MDGA2: variants seen among roughly 807,000 people sequenced by gnomAD.
The protein encoded by MDGA2 is MAM domain-containing glycosylphosphatidylinositol anchor protein 2.
A neutral mutation model predicts 117.8 loss-of-function variants in MDGA2; 40 were observed. The observed-to-expected ratio is 0.34, with a 90% CI of 0.26 to 0.44. The LOEUF is 0.44. Among genes scored for constraint, MDGA2 ranks in the 20% least tolerant of loss-of-function variants. The pLI is 1.00. For synonymous variants in MDGA2, 452 were observed against 439.0 expected, an observed-to-expected ratio of 1.03 and a Z score of -0.37; for missense variants, 1,123 against 1,250.6, an observed-to-expected ratio of 0.90 and a Z score of 1.54.
chr14:47,226,862 G>T (rs17573767), intron 2 of MDGA2, among the ~76,000 whole-genome samples: 4,079 of 152,172 alleles, frequency 0.027, 68 homozygotes, highest in Non-Finnish European at 0.04. Flanking sequence ...TACAGCTCCA[G>T]TCCTTCCATG....
At chr14:47,478,651 C>T (rs909203787) in intron 1 of MDGA2, among the ~76,000 whole-genome samples, 4 of 152,170 alleles carry the variant, frequency 2.6e-5, no homozygotes, top group South Asian at 2.1e-4. Flanking sequence ...GCTTGGACTA[C>T]GGACATGAGC....
Position 47,478,077 on chromosome 14 carries a change from T to G in MDGA2, c.281-176527A>C, listed in dbSNP as rs75462219. Among the ~76,000 whole-genome samples, 6 of 152,332 alleles carry G rather than the reference T, an allele frequency of 3.9e-5. No individual in the cohort carries two copies. The East Asian group carries it at 9.6e-4, about 24-fold the overall frequency. On this transcript the variant is annotated intron_variant, in intron 1 of 16. Coordinates refer to ENST00000399232, the MANE Select transcript of MDGA2 (RefSeq NM_001113498.3). ...TTTTTGTTCTTAAAATGGACAAGAC[T>G]TCTTGTATTCTAGTTCACAATGCCA...
At chr14:47,563,985 A>T (rs1594919908) in intron 1 of MDGA2, among the ~76,000 whole-genome samples, 1 of 152,268 alleles carries the variant, frequency 6.6e-6, no homozygotes, top group Non-Finnish European at 1.5e-5. Flanking sequence ...GCTTGTCTGA[A>T]AAGAATCTTA....
chr14:47,185,850 A>G (rs1469973936), intron 3 of MDGA2, among the ~76,000 whole-genome samples: 1 of 151,630 alleles, frequency 6.6e-6, no homozygotes, highest in Non-Finnish European at 1.5e-5. Context: ...ATTGAGTACT[A>G]TATTTAGTCG....
chr14:47,456,294 CTTT>C (rs56176876), intron 1 of MDGA2, among the ~76,000 whole-genome samples: 1 of 140,640 alleles, frequency 7.1e-6, no homozygotes, highest in Non-Finnish European at 1.5e-5. Context: ...AATTGTTTAC[CTTT>C]TTTTTTTTTT....
chr14:47,548,488 G>A (rs1594911493), intron 1 of MDGA2, among the ~76,000 whole-genome samples: 2 of 151,956 alleles, frequency 1.3e-5, no homozygotes, highest in African/African-American at 4.8e-5. Context: ...TATATACTTT[G>A]TTACATGCAT....
intron 2 of MDGA2, among the ~76,000 whole-genome samples, chr14:47,261,799 T>G (rs1887805025): frequency 6.6e-6 from 1 of 152,152 alleles, no homozygotes; most frequent in Non-Finnish European, 1.5e-5. Flanking sequence ...TGAGCCCACC[T>G]GTGTGATGGA....
At chr14:46,910,109 C>T (rs1275830293) in intron 10 of MDGA2, among the ~76,000 whole-genome samples, 1 of 151,748 alleles carries the variant, frequency 6.6e-6, no homozygotes, top group African/African-American at 2.4e-5. Flanking sequence ...AGGGTATGTT[C>T]TTAATATATA....
At chr14:47,187,881 T>G (rs921835170) in intron 3 of MDGA2, among the ~76,000 whole-genome samples, 1 of 151,954 alleles carries the variant, frequency 6.6e-6, no homozygotes, top group Non-Finnish European at 1.5e-5. Context: ...ATCGGGGATT[T>G]TAACTACATT....
chr14:47,418,722 T>G (rs1306964792), intron 1 of MDGA2, among the ~76,000 whole-genome samples: 1 of 152,210 alleles, frequency 6.6e-6, no homozygotes, highest in African/African-American at 2.4e-5. Context: ...CATCACTTGC[T>G]AGCATCTTAT....
Position 47,072,151 on chromosome 14 carries a change from TATTC to T in MDGA2, c.1196-10577_1196-10574del, listed in dbSNP as rs555236807. Among the ~76,000 whole-genome samples the T allele has an allele frequency of 7.4e-4, 107 of 145,290 alleles. 3 individuals are homozygous for T. The highest frequency in any genetic ancestry group is 2.7e-3 in the African/African-American group (104 of 39,076). On this transcript the variant is annotated intron_variant, in intron 6 of 16. Transcript: ENST00000399232. Reference sequence around the variant, plus strand: ...TATATGTTGCAGGTACATGAAAATGTATTCATTAATAGTTAACTGATAAGAAATA... The same window carrying T: ...TATATGTTGCAGGTACATGAAAATGTATTAATAGTTAACTGATAAGAAATA...
In MDGA2 at chr14:47,535,824, T is replaced by C. The variant is rs114505867; in HGVS notation, c.280+138693A>G. ...AAATTTTAGACACAAATGTGATACA[T>C]AACAAACCACCCACAAACTCAGTGG... On this transcript the variant is annotated intron_variant, in intron 1 of 16. Transcript: ENST00000399232. Among the ~76,000 whole-genome samples the C allele has an allele frequency of 2.4e-3, 365 of 152,296 alleles. 1 individual carries two copies. The highest frequency in any genetic ancestry group is 8.3e-3 in the African/African-American group (343 of 41,562).
intron 1 of MDGA2, among the ~76,000 whole-genome samples, chr14:47,666,174 T>G (rs1897955125): frequency 6.6e-6 from 1 of 151,052 alleles, no homozygotes; most frequent in African/African-American, 2.4e-5. Flanking sequence ...ATCGGCACTC[T>G]GTATCTAGCT....
rs533025000 is a variant in MDGA2 at position 47,282,418 on chromosome 14, G to A, written c.420+18993C>T. On this transcript the variant is annotated intron_variant, in intron 2 of 16. Transcript: ENST00000399232. Reference sequence around the variant, plus strand: ...AACAGGGTAGGGTGTGGTGGCTCACGCCTGTAATCCCAGCACTTTGGGAGG... The same window carrying A: ...AACAGGGTAGGGTGTGGTGGCTCACACCTGTAATCCCAGCACTTTGGGAGG... Among the ~76,000 whole-genome samples the A allele has an allele frequency of 2.2e-3, 337 of 152,220 alleles. 2 individuals carry two copies. Among genetic ancestry groups the A allele is most frequent in the African/African-American group, 7.6e-3 (317 of 41,540 alleles).
chr14:47,357,144 T>C (rs1336262373), intron 1 of MDGA2, among the ~76,000 whole-genome samples: 2 of 152,198 alleles, frequency 1.3e-5, no homozygotes, highest in Non-Finnish European at 2.9e-5. Context: ...ATTACTCTGT[T>C]GTACATAATG....
At chr14:47,144,815 A>ATTTTTTTTTTTTTTTT (rs60842690) in intron 3 of MDGA2, among the ~76,000 whole-genome samples, 13 of 130,426 alleles carry the variant, frequency 1.0e-4, no homozygotes, top group Non-Finnish European at 1.4e-4. Context: ...TGCCCGGCTA[A>ATTTTTTTTTTTTTTTT]TTTTTTTTTT....
rs2138295745 is a variant in MDGA2, at chr14:46,853,481, T to A, written c.2883+1543A>T. Among the ~76,000 whole-genome samples the A allele has an allele frequency of 1.3e-5, 2 of 151,878 alleles. 1 individual carries two copies. The highest frequency in any genetic ancestry group is 4.2e-4 in the South Asian group (2 of 4,818). ...AGCACATCACAATACAGTTTATAAA[T>A]ACGAATGATAAGGAAAATCTTAAAA... On this transcript the variant is annotated intron_variant, in intron 15 of 16. Coordinates refer to ENST00000399232, the MANE Select transcript of MDGA2 (RefSeq NM_001113498.3).
chr14:47,206,745 C>T (rs1298277699), intron 3 of MDGA2, among the ~76,000 whole-genome samples: 1 of 151,836 alleles, frequency 6.6e-6, no homozygotes, highest in Non-Finnish European at 1.5e-5. Flanking sequence ...GTAAATTAGC[C>T]AGCCATGGCA....
chr14:47,615,680 A>G (rs1896936461), intron 1 of MDGA2, among the ~76,000 whole-genome samples: 1 of 152,248 alleles, frequency 6.6e-6, no homozygotes. Flanking sequence ...TCTAATAGGC[A>G]ATCCTAAAGC....
Sources: allele counts gnomAD v4.1 joint callset (sites outside exome capture counted in the v4.1 genomes callset), GRCh38; gene constraint gnomAD v4.1.1; transcripts MANE v1.5; gene names NCBI Gene and HGNC (gene_info 2026-07-23, HGNC 2026-07-21).